NWD2: variants seen among roughly 807,000 people sequenced by gnomAD.
NWD2 encodes the protein NACHT and WD repeat domain-containing protein 2.
Under a neutral mutation model 132.7 loss-of-function variants are expected in NWD2, and 37 were observed. The ratio of observed to expected loss-of-function variants is 0.28; its 90% CI spans 0.21 to 0.37. NWD2 has a LOEUF of 0.37. Ranked by LOEUF, NWD2 falls within the 10% of genes least tolerant of loss-of-function variation. NWD2 has a pLI of 1.00. For missense variants in NWD2, 1,592 were observed against 2,122.4 expected, an observed-to-expected ratio of 0.75 and a Z score of 4.91; for synonymous variants, 705 against 803.0, an observed-to-expected ratio of 0.88 and a Z score of 2.06.
intron 1 of NWD2, among the ~76,000 whole-genome samples, chr4:37,312,782 T>G (rs1045063222): frequency 2.0e-5 from 3 of 151,166 alleles, no homozygotes; most frequent in African/African-American, 7.4e-5. Flanking sequence ...TAGATAGCTC[T>G]TATTATTTTG....
intron 3 of NWD2, among the ~76,000 whole-genome samples, chr4:37,383,118 A>G (rs1234749768): frequency 1.3e-5 from 2 of 152,204 alleles, no homozygotes; most frequent in African/African-American, 2.4e-5. Context: ...TTTGAAGCCT[A>G]AGGTGCATTT....
At chr4:37,296,174 C>T (rs1718484818) in intron 1 of NWD2, among the ~76,000 whole-genome samples, 1 of 152,156 alleles carries the variant, frequency 6.6e-6, no homozygotes, top group Non-Finnish European at 1.5e-5. Context: ...TTTCACGTGG[C>T]CCCCAAGCTT....
At chr4:37,346,878 G>A (rs1342075841) in intron 2 of NWD2, among the ~76,000 whole-genome samples, 2 of 151,954 alleles carry the variant, frequency 1.3e-5, no homozygotes, top group African/African-American at 2.4e-5. Context: ...CATTGCTAGT[G>A]TATAGAAATA....
intron 3 of NWD2, among the ~76,000 whole-genome samples, chr4:37,387,719 G>A (rs1432269189): frequency 1.4e-5 from 2 of 139,738 alleles, no homozygotes; most frequent in African/African-American, 2.7e-5. Context: ...CTGTCACCCA[G>A]GCTGGAGTGC....
At chr4:37,274,461 T>G (rs1424476741) in intron 1 of NWD2, among the ~76,000 whole-genome samples, 15 of 151,940 alleles carry the variant, frequency 9.9e-5, no homozygotes, top group Non-Finnish European at 1.5e-5. Context: ...CCAAAAAAAG[T>G]CCAGGACCAG....
intron 3 of NWD2, among the ~76,000 whole-genome samples, chr4:37,357,472 A>G (rs556374334): frequency 2.1e-4 from 32 of 152,320 alleles, no homozygotes; most frequent in African/African-American, 7.2e-4. Flanking sequence ...GCTGTATCAT[A>G]TAGTATTTGT....
At chr4:37,249,179 C>A (rs371171378) in intron 1 of NWD2, among the ~76,000 whole-genome samples, 12 of 152,134 alleles carry the variant, frequency 7.9e-5, no homozygotes, top group East Asian at 7.7e-4. Context: ...TATCAGATAG[C>A]AAAGCTCCAA....
At chr4:37,342,397 A>C (rs1719546225) in intron 2 of NWD2, among the ~76,000 whole-genome samples, 1 of 152,130 alleles carries the variant, frequency 6.6e-6, no homozygotes. Flanking sequence ...AGCCTTGTGG[A>C]ATCATGAGCC....
intron 1 of NWD2, among the ~76,000 whole-genome samples, chr4:37,315,952 A>G (rs1344273502): frequency 1.3e-5 from 2 of 151,848 alleles, no homozygotes; most frequent in African/African-American, 4.8e-5. Context: ...GTACAGCTCT[A>G]TTTTTCTTCT....
intron 3 of NWD2, among the ~76,000 whole-genome samples, chr4:37,371,941 G>T (rs973905948): frequency 1.3e-5 from 2 of 152,144 alleles, no homozygotes; most frequent in African/African-American, 4.8e-5. Flanking sequence ...GTGAAAAAGG[G>T]AATGCAAATA....
intron 1 of NWD2, among the ~76,000 whole-genome samples, chr4:37,259,116 C>T (rs1241921654): frequency 6.6e-6 from 1 of 152,164 alleles, no homozygotes; most frequent in Non-Finnish European, 1.5e-5. Flanking sequence ...ATGTTAGAAT[C>T]CTAGCACCAT....
chr4:37,364,085 C>A (rs938390296), intron 3 of NWD2, among the ~76,000 whole-genome samples: 1 of 152,140 alleles, frequency 6.6e-6, no homozygotes, highest in African/African-American at 2.4e-5. Flanking sequence ...TTGCAGTGAG[C>A]CAAGATCACA....
At chr4:37,400,599 A>G (rs1720879624) in intron 3 of NWD2, among the ~76,000 whole-genome samples, 1 of 152,212 alleles carries the variant, frequency 6.6e-6, no homozygotes, top group South Asian at 2.1e-4. Flanking sequence ...TAATTTCCCT[A>G]TATGCCTGCT....
intron 4 of NWD2, among the ~76,000 whole-genome samples, chr4:37,431,456 G>C (rs929898684): frequency 1.3e-5 from 2 of 152,116 alleles, no homozygotes. Context: ...ACTTACATAT[G>C]GAATCTAAAA....
intron 2 of NWD2, among the ~76,000 whole-genome samples, chr4:37,332,753 G>A (rs935731734): frequency 2.6e-5 from 4 of 152,222 alleles, no homozygotes; most frequent in East Asian, 1.9e-4. Flanking sequence ...GTACCAGCTC[G>A]GCCACAGTAG....
intron 1 of NWD2, among the ~76,000 whole-genome samples, chr4:37,276,885 C>CA (rs1479157368): frequency 6.6e-6 from 1 of 150,582 alleles, no homozygotes; most frequent in Non-Finnish European, 1.5e-5. Flanking sequence ...ATCTCAAGGA[C>CA]AAAAAACCAA....
chr4:37,254,464 A>AT (rs1248338117), intron 1 of NWD2, among the ~76,000 whole-genome samples: 2 of 152,178 alleles, frequency 1.3e-5, no homozygotes, highest in Admixed American at 6.5e-5. Flanking sequence ...GTTCCACTCA[A>AT]TTTTTTTTAA....
chr4:37,356,287 A>T, intron 2 of NWD2, 79 bp from the exon 3 acceptor site: 2 of 723,908 alleles, frequency 2.8e-6, no homozygotes, highest in Non-Finnish European at 2.2e-6. Flanking sequence ...GAGAAAAGTT[A>T]AAAGTCACAT....
chr4:37,302,056 A>T (rs2109276854), intron 1 of NWD2, among the ~76,000 whole-genome samples: 1 of 152,072 alleles, frequency 6.6e-6, no homozygotes, highest in Admixed American at 6.6e-5. Context: ...AAACGCTAGA[A>T]ATTATCCTAT....
Sources: allele counts gnomAD v4.1 joint callset (sites outside exome capture counted in the v4.1 genomes callset), GRCh38; gene constraint gnomAD v4.1.1; transcripts MANE v1.5; gene names NCBI Gene and HGNC (gene_info 2026-07-23, HGNC 2026-07-21).